RABGAP1L: variants seen among roughly 807,000 people sequenced by gnomAD.
RABGAP1L encodes rab GTPase-activating protein 1-like.
In RABGAP1L, 63 loss-of-function variants were observed where a neutral mutation model predicts 137.7. The ratio of observed to expected loss-of-function variants is 0.46; its 90% CI spans 0.37 to 0.56. The LOEUF (loss-of-function observed/expected upper bound fraction) is 0.56. Ranked by LOEUF, RABGAP1L falls within the 20% of genes least tolerant of loss-of-function variation. The pLI, the probability that RABGAP1L is intolerant of heterozygous loss-of-function variation, is 0.00. For missense variants in RABGAP1L, 1,095 were observed against 1,244.0 expected (o/e 0.88, Z 1.80); for synonymous variants, 431 against 433.7 (o/e 0.99, Z 0.08).
At chr1:174,885,086 A>G (rs975621600) in intron 19 of RABGAP1L, among the ~76,000 whole-genome samples, 6 of 152,178 alleles carry the variant, frequency 3.9e-5, no homozygotes, top group Non-Finnish European at 8.8e-5. Context: ...CATCTGTAAA[A>G]TTGGAGTCTG....
At chr1:174,890,220 C>T (rs1039105400) in intron 19 of RABGAP1L, among the ~76,000 whole-genome samples, 12 of 152,096 alleles carry the variant, frequency 7.9e-5, no homozygotes, top group African/African-American at 2.7e-4. Flanking sequence ...TGTAAACAGC[C>T]GTGTATGAGT....
chr1:174,921,626 C>T (rs566893103), intron 19 of RABGAP1L, among the ~76,000 whole-genome samples: 6 of 152,204 alleles, frequency 3.9e-5, no homozygotes, highest in Admixed American at 1.3e-4. Context: ...CAAAGTAATC[C>T]GGAAATCAAT....
intron 13 of RABGAP1L, among the ~76,000 whole-genome samples, chr1:174,606,205 T>G (rs1361965954): frequency 6.6e-6 from 1 of 152,214 alleles, no homozygotes; most frequent in African/African-American, 2.4e-5. Context: ...GAAATTTCAA[T>G]AAAAATTTAA....
intron 13 of RABGAP1L, among the ~76,000 whole-genome samples, chr1:174,521,832 G>A (rs1328309520): frequency 6.6e-6 from 1 of 152,156 alleles, no homozygotes; most frequent in Non-Finnish European, 1.5e-5. Flanking sequence ...TGTAATCCCA[G>A]TACTTTGGGA....
intron 1 of RABGAP1L, among the ~76,000 whole-genome samples, chr1:174,183,332 C>T (rs1278197193): frequency 6.6e-6 from 1 of 152,194 alleles, no homozygotes; most frequent in Non-Finnish European, 1.5e-5. Context: ...TGCTTTGTTG[C>T]CTAGGTTGGT....
chr1:174,223,470 C>T (rs1375597216), intron 3 of RABGAP1L, among the ~76,000 whole-genome samples: 12 of 142,470 alleles, frequency 8.4e-5, no homozygotes, highest in African/African-American at 2.6e-4. Flanking sequence ...AAAGATTTAA[C>T]GACTTTTAGG....
At chr1:174,195,168 T>G (rs1367737269) in intron 1 of RABGAP1L, among the ~76,000 whole-genome samples, 2 of 152,238 alleles carry the variant, frequency 1.3e-5, no homozygotes, top group East Asian at 3.8e-4. Context: ...ATCTTTATGT[T>G]TCTCCCTGGG....
chr1:174,352,451 TATG>T (rs1683281845), intron 11 of RABGAP1L, among the ~76,000 whole-genome samples: 1 of 152,188 alleles, frequency 6.6e-6, no homozygotes, highest in African/African-American at 2.4e-5. Flanking sequence ...GTTAAATTTA[TATG>T]ATATGATTCT....
intron 12 of RABGAP1L, among the ~76,000 whole-genome samples, chr1:174,388,005 A>T (rs966969341): frequency 1.3e-5 from 2 of 152,092 alleles, no homozygotes; most frequent in African/African-American, 4.8e-5. Flanking sequence ...AATATTTTTA[A>T]TTGTGCTCAA....
chr1:174,819,534 T>C (rs1226746887), intron 19 of RABGAP1L, among the ~76,000 whole-genome samples: 1 of 152,130 alleles, frequency 6.6e-6, no homozygotes, highest in African/African-American at 2.4e-5. Flanking sequence ...TCAGAAGAGA[T>C]ATAATAAAGA....
At chr1:174,240,603 A>C (rs1256475040) in intron 4 of RABGAP1L, among the ~76,000 whole-genome samples, 1 of 150,870 alleles carries the variant, frequency 6.6e-6, no homozygotes, top group Non-Finnish European at 1.5e-5. Flanking sequence ...CAAATCCCAG[A>C]CTCCTTTCAG....
At chr1:174,475,986 G>A (rs987072851) in intron 13 of RABGAP1L, among the ~76,000 whole-genome samples, 2 of 151,924 alleles carry the variant, frequency 1.3e-5, no homozygotes, top group African/African-American at 2.4e-5. Context: ...ATCTTTCTAA[G>A]TTGAAGTTGA....
intron 19 of RABGAP1L, among the ~76,000 whole-genome samples, chr1:174,851,061 T>A (rs1008284811): frequency 1.3e-5 from 2 of 152,192 alleles, no homozygotes; most frequent in Admixed American, 6.5e-5. Flanking sequence ...AGTCTCCAGA[T>A]GAGAGTCCAG....
At chr1:174,320,944 G>C (rs1336991303) in intron 11 of RABGAP1L, among the ~76,000 whole-genome samples, 2 of 152,178 alleles carry the variant, frequency 1.3e-5, no homozygotes, top group Non-Finnish European at 2.9e-5. Context: ...CTGCCTGGGA[G>C]TCGGGTGGAA....
intron 12 of RABGAP1L, among the ~76,000 whole-genome samples, chr1:174,375,662 A>G (rs1685460811): frequency 6.6e-6 from 1 of 152,216 alleles, no homozygotes; most frequent in Admixed American, 6.5e-5. Flanking sequence ...ACTTGAAATA[A>G]ATAACCTGAA....
chr1:174,485,959 A>G (rs1241227248), intron 13 of RABGAP1L, among the ~76,000 whole-genome samples: 2 of 152,298 alleles, frequency 1.3e-5, no homozygotes, highest in East Asian at 1.9e-4. Flanking sequence ...CAGCGAAGCC[A>G]TCAGGTCCTG....
intron 18 of RABGAP1L, among the ~76,000 whole-genome samples, chr1:174,774,971 C>T (rs1436531905): frequency 6.6e-6 from 1 of 152,086 alleles, no homozygotes; most frequent in East Asian, 1.9e-4. Context: ...ATGACTGGCC[C>T]CAAAAGGCAG....
intron 18 of RABGAP1L, among the ~76,000 whole-genome samples, chr1:174,763,638 G>A (rs1369676232): frequency 3.6e-3 from 245 of 68,944 alleles, no homozygotes; most frequent in Middle Eastern, 0.029. Flanking sequence ...GCGACAGAGC[G>A]AGACTCCGTC....
At chr1:174,628,380 T>G (rs1442847063) in intron 13 of RABGAP1L, among the ~76,000 whole-genome samples, 1 of 152,168 alleles carries the variant, frequency 6.6e-6, no homozygotes, top group Non-Finnish European at 1.5e-5. Flanking sequence ...AAATGTATAT[T>G]CACCGAAAAT....
Sources: allele counts gnomAD v4.1 joint callset (sites outside exome capture counted in the v4.1 genomes callset), GRCh38; gene constraint gnomAD v4.1.1; transcripts MANE v1.5; gene names NCBI Gene and HGNC (gene_info 2026-07-23, HGNC 2026-07-21).